The following KCNMA1 variants were observed in gnomAD, a reference collection of about 807,000 sequenced individuals.
KCNMA1 encodes Calcium-activated potassium channel subunit alpha-1.
A neutral mutation model predicts 140.0 loss-of-function variants in KCNMA1; 29 were observed. The ratio of observed to expected loss-of-function variants is 0.21; its 90% confidence interval spans 0.15 to 0.28. The LOEUF is 0.28. KCNMA1 is among the 10% of genes least tolerant of loss of function. The pLI is 1.00. For synonymous variants in KCNMA1, 612 were observed against 611.9 expected, an observed-to-expected ratio of 1.00 and a Z score of 0.00; for missense variants, 880 against 1,602.2, an observed-to-expected ratio of 0.55 and a Z score of 7.70.
Position 77,316,362 on chromosome 10 carries a change from G to C in KCNMA1, c.541-65106C>G, listed in dbSNP as rs138620492. The stretch of plus-strand genomic sequence containing the variant: ...ACGATGACCTTGGAAATGTCCTCAG[G>C]TTTGGGAAGTCAGCAATTTGGTTTA... On this transcript the variant is annotated intron_variant, in intron 2 of 27. Transcript: ENST00000286628. 4.7e-3 allele frequency among the ~76,000 whole-genome samples: 713 copies of C among 152,308 alleles called. 1 individual carries two copies. The highest frequency in any genetic ancestry group is 0.012 in the South Asian group (58 of 4,822).
Position 77,427,980 on chromosome 10 carries a change from T to C in KCNMA1, c.379-23957A>G, listed in dbSNP as rs570505065. Among the ~76,000 whole-genome samples, 14 of 152,224 alleles carry C rather than the reference T, an allele frequency of 9.2e-5. 1 individual carries two copies. The East Asian group carries it at 2.7e-3, about 29-fold the overall frequency. ...GTTGGCCAGGATGGTCTTGATCTCC[T>C]GACCTTGTAATCCACCTGCCTCGGC... On this transcript the variant is annotated intron_variant, in intron 1 of 27. Transcript: ENST00000286628.
chr10:77,378,166 G>A (rs1026359348), intron 2 of KCNMA1, among the ~76,000 whole-genome samples: 6 of 152,180 alleles, frequency 3.9e-5, no homozygotes, highest in Non-Finnish European at 8.8e-5. Context: ...TGCAGCCTCA[G>A]GTGCCACCGA....
intron 25 of KCNMA1, among the ~76,000 whole-genome samples, chr10:76,893,469 C>T (rs1279323092): frequency 6.6e-6 from 1 of 152,148 alleles, no homozygotes; most frequent in African/African-American, 2.4e-5. Flanking sequence ...TGGTGCACAC[C>T]TGTAATCCCA....
chr10:77,471,263 A>G (rs556918292), intron 1 of KCNMA1, among the ~76,000 whole-genome samples: 1 of 150,114 alleles, frequency 6.7e-6, no homozygotes, highest in Admixed American at 6.6e-5. Context: ...CAACGCACAT[A>G]CAACACACAA....
At chr10:77,138,209 C>T (rs2098089675) in intron 5 of KCNMA1, among the ~76,000 whole-genome samples, 1 of 152,194 alleles carries the variant, frequency 6.6e-6, no homozygotes, top group Non-Finnish European at 1.5e-5. Context: ...TAGAGAAACA[C>T]ATTTTTTAAA....
At chr10:77,465,795 A>G (rs2097988921) in intron 1 of KCNMA1, among the ~76,000 whole-genome samples, 1 of 152,154 alleles carries the variant, frequency 6.6e-6, no homozygotes, top group Non-Finnish European at 1.5e-5. Context: ...CAGATTCCCA[A>G]TTCCATCCTT....
chr10:76,891,353 G>A, intron 26 of KCNMA1, 172 bp downstream of exon 26: 1 of 663,034 alleles, frequency 1.5e-6, no homozygotes, highest in Non-Finnish European at 2.7e-6. Context: ...ACTATGCATA[G>A]AGCAAAGTGT....
intron 1 of KCNMA1, among the ~76,000 whole-genome samples, chr10:77,589,908 C>G (rs549494766): frequency 2.2e-4 from 33 of 152,300 alleles, no homozygotes; most frequent in African/African-American, 7.9e-4. Context: ...ATTCTCTTAT[C>G]TGGCCCCACC....
chr10:77,615,103 G>C (rs553066579), intron 1 of KCNMA1, among the ~76,000 whole-genome samples: 1 of 152,268 alleles, frequency 6.6e-6, no homozygotes. Context: ...ACAGGCGCCT[G>C]GGCTGCCTCA....
At chr10:76,916,631 T>C (rs2053044407) in intron 23 of KCNMA1, among the ~76,000 whole-genome samples, 1 of 152,194 alleles carries the variant, frequency 6.6e-6, no homozygotes, top group South Asian at 2.1e-4. Flanking sequence ...TTAGGGACTT[T>C]TAGGAACAAA....
intron 17 of KCNMA1, among the ~76,000 whole-genome samples, chr10:77,013,338 G>A (rs2091284535): frequency 1.3e-5 from 2 of 151,940 alleles, no homozygotes; most frequent in Admixed American, 6.6e-5. Context: ...CCAGCCCCAG[G>A]ACTTCTGAAT....
intron 3 of KCNMA1, among the ~76,000 whole-genome samples, chr10:77,206,797 T>G (rs1167813236): frequency 2.0e-5 from 1 of 48,852 alleles, no homozygotes; most frequent in East Asian, 6.7e-4. Flanking sequence ...AAGGAAGGAA[T>G]AAAGGGAGGC....
chr10:77,139,225 G>A (rs999593586), intron 5 of KCNMA1, among the ~76,000 whole-genome samples: 1 of 152,222 alleles, frequency 6.6e-6, no homozygotes, highest in Non-Finnish European at 1.5e-5. Flanking sequence ...TCAGGAAGTA[G>A]TGTATGTGCC....
At chr10:77,535,958 G>C (rs1210696429) in intron 1 of KCNMA1, among the ~76,000 whole-genome samples, 1 of 152,194 alleles carries the variant, frequency 6.6e-6, no homozygotes, top group Non-Finnish European at 1.5e-5. Flanking sequence ...GAAGGAATAC[G>C]ATCTAGTGTT....
intron 18 of KCNMA1, among the ~76,000 whole-genome samples, chr10:77,009,630 C>G (rs527986636): frequency 6.6e-6 from 1 of 152,282 alleles, no homozygotes; most frequent in South Asian, 2.1e-4. Flanking sequence ...AAAACCCACA[C>G]TTCTTACCAC....
intron 1 of KCNMA1, among the ~76,000 whole-genome samples, chr10:77,590,053 T>C (rs1472323385): frequency 2.0e-5 from 3 of 152,100 alleles, no homozygotes; most frequent in African/African-American, 7.2e-5. Context: ...AGATACAGAG[T>C]GTCCACTGGT....
chr10:77,574,260 G>GTATA lies in KCNMA1; in HGVS notation c.378+63001_378+63004dup, dbSNP rs139904997. Among the ~76,000 whole-genome samples the GTATA allele has an allele frequency of 1.1e-3, 156 of 148,540 alleles. 1 individual carries two copies. The South Asian group carries it at 0.011, about 11-fold the overall frequency. ...TATATATATTAATATCTATGCGTGT[G>GTATA]TATATATATATATATATAAAATCTA... is the stretch of plus-strand genomic sequence containing the variant. On this transcript the variant is annotated intron_variant, in intron 1 of 27. Coordinates refer to ENST00000286628, the MANE Select transcript of KCNMA1 (RefSeq NM_001161352.2).
intron 25 of KCNMA1, among the ~76,000 whole-genome samples, chr10:76,894,762 A>G (rs2041762001): frequency 6.6e-6 from 1 of 152,212 alleles, no homozygotes; most frequent in South Asian, 2.1e-4. Context: ...AATCAAAACC[A>G]CAATGAGATA....
intron 2 of KCNMA1, chr10:77,354,581 G>C (rs184112689): frequency 7.9e-5 from 12 of 152,294 alleles, no homozygotes; most frequent in Admixed American, 5.9e-4. Flanking sequence ...AAAAGGCCTA[G>C]GACATTAGTT....
Sources: gnomAD v4.1 joint callset for allele counts (sites outside exome capture counted in the v4.1 genomes callset) on GRCh38, gnomAD v4.1.1 for gene constraint, MANE v1.5 for transcripts, NCBI Gene and HGNC (gene_info 2026-07-23, HGNC 2026-07-21) for gene names.